Variants in ZFHX3 observed in about 807,000 individuals in gnomAD.
The protein encoded by ZFHX3 is zinc finger homeobox 3, also known as zinc finger homeobox protein 3.
A neutral mutation model predicts 279.1 loss-of-function variants in ZFHX3; 42 were observed. That is an observed-to-expected ratio of 0.15 (90% CI 0.12 to 0.19). The LOEUF (loss-of-function observed/expected upper bound fraction) is 0.19, where lower values mean the gene tolerates loss of function less well. ZFHX3 is among the 10% of genes least tolerant of loss of function. The pLI, the probability that ZFHX3 is intolerant of heterozygous loss-of-function variation, is 1.00. For synonymous variants in ZFHX3, 2,293 were observed against 1,957.8 expected (o/e 1.17, Z -4.52); for missense variants, 4,981 against 4,754.0 (o/e 1.05, Z -1.40).
chr16:73,674,215 T>TCTTCTATATATA (rs2052931519), intron 2 of ZFHX3, among the ~76,000 whole-genome samples: 1 of 151,800 alleles, frequency 6.6e-6, no homozygotes, highest in Non-Finnish European at 1.5e-5. Flanking sequence ...AAAATAGACG[T>TCTTCTATATATA]CACTATAAAA....
At chr16:73,370,442 G>A (rs1053531102) in intron 3 of ZFHX3, among the ~76,000 whole-genome samples, 4 of 152,198 alleles carry the variant, frequency 2.6e-5, no homozygotes, top group Non-Finnish European at 5.9e-5. Context: ...GGGCAGTGGG[G>A]ACAAGGCAAA....
intron 1 of ZFHX3, among the ~76,000 whole-genome samples, chr16:73,843,544 A>G (rs1367708229): frequency 1.3e-5 from 2 of 152,208 alleles, no homozygotes; most frequent in African/African-American, 2.4e-5. Context: ...ATGCAAACCA[A>G]CTTAACACAT....
intron 3 of ZFHX3, among the ~76,000 whole-genome samples, chr16:72,904,367 AAAATAAATAAATAAATAAAT>A (rs200166214): frequency 0.01 from 1,426 of 140,046 alleles, 41 homozygotes; most frequent in East Asian, 0.037. Flanking sequence ...ATTCTGTCTC[AAAATAAATAAATAAATAAAT>A]AAATAAATAA....
At chr16:73,625,675 A>T (rs1376720243) in intron 2 of ZFHX3, among the ~76,000 whole-genome samples, 3 of 152,158 alleles carry the variant, frequency 2.0e-5, no homozygotes, top group Non-Finnish European at 4.4e-5. Flanking sequence ...GACCAGCGGC[A>T]TTTGTGTCAC....
chr16:73,506,550 G>T (rs1280000174), intron 2 of ZFHX3, among the ~76,000 whole-genome samples: 1 of 152,200 alleles, frequency 6.6e-6, no homozygotes, highest in Non-Finnish European at 1.5e-5. Flanking sequence ...TACTCTGTAA[G>T]ACCAGAGCAG....
At chr16:73,078,865 C>G (rs542100830) in intron 8 of ZFHX3, among the ~76,000 whole-genome samples, 1 of 151,844 alleles carries the variant, frequency 6.6e-6, no homozygotes, top group Non-Finnish European at 1.5e-5. Flanking sequence ...AGGATGGTCT[C>G]GATCTCCTGA....
At chr16:73,394,346 G>A (rs577823959) in intron 3 of ZFHX3, among the ~76,000 whole-genome samples, 141 of 151,678 alleles carry the variant, frequency 9.3e-4, no homozygotes, top group Middle Eastern at 3.4e-3. Context: ...GTCCAGGCTG[G>A]AGTGCAGTGG....
At chr16:73,122,057 C>T (rs1235118079) in intron 7 of ZFHX3, among the ~76,000 whole-genome samples, 1 of 152,078 alleles carries the variant, frequency 6.6e-6, no homozygotes, top group Non-Finnish European at 1.5e-5. Flanking sequence ...TCTCTCTCCC[C>T]ACTAAGACTA....
At chr16:73,443,291 T>A (rs1363181749) in intron 3 of ZFHX3, among the ~76,000 whole-genome samples, 1 of 152,220 alleles carries the variant, frequency 6.6e-6, no homozygotes, top group Non-Finnish European at 1.5e-5. Flanking sequence ...AACAGCTTTG[T>A]GGATGGAAGT....
chr16:73,072,702 C>T (rs1428462884), intron 8 of ZFHX3, among the ~76,000 whole-genome samples: 1 of 152,114 alleles, frequency 6.6e-6, no homozygotes, highest in African/African-American at 2.4e-5. Context: ...GTAGCTGGGA[C>T]TACAGGCACA....
chr16:73,861,448 G>A (rs141866312), intron 1 of ZFHX3, among the ~76,000 whole-genome samples: 5 of 152,210 alleles, frequency 3.3e-5, no homozygotes, highest in East Asian at 1.9e-4. Context: ...GGTGATTTCC[G>A]TGTACAAATA....
intron 7 of ZFHX3, among the ~76,000 whole-genome samples, chr16:73,109,583 T>G (rs1014232482): frequency 6.6e-6 from 1 of 152,056 alleles, no homozygotes; most frequent in African/African-American, 2.4e-5. Flanking sequence ...AATTTTCCGG[T>G]GCAGTGCCTC....
chr16:73,713,441 C>T (rs1171169558), intron 1 of ZFHX3, among the ~76,000 whole-genome samples: 1 of 152,160 alleles, frequency 6.6e-6, no homozygotes, highest in African/African-American at 2.4e-5. Flanking sequence ...TTTTCCTCCT[C>T]CTCCTATTCT....
At chr16:73,483,491 T>C (rs1371322974) in intron 2 of ZFHX3, 1 of 421,742 alleles carries the variant, frequency 2.4e-6, no homozygotes, top group Non-Finnish European at 4.7e-6. Flanking sequence ...GGCAGTTCCG[T>C]CAGCCTCGAC....
chr16:73,451,939 A>C (rs766088318), intron 3 of ZFHX3, among the ~76,000 whole-genome samples: 1 of 152,158 alleles, frequency 6.6e-6, no homozygotes, highest in Non-Finnish European at 1.5e-5. Context: ...GCCATGGACA[A>C]ACAGACTTAT....
intron 1 of ZFHX3, among the ~76,000 whole-genome samples, chr16:73,882,827 A>G (rs906010731): frequency 2.6e-5 from 4 of 152,040 alleles, no homozygotes. Flanking sequence ...TATTCCATCC[A>G]CTTTCAAAGA....
chr16:73,032,343 A>C lies in ZFHX3; in HGVS notation c.-50+15409T>G, dbSNP rs557227206. Among the ~76,000 whole-genome samples the C allele has an allele frequency of 3.9e-5, 6 of 152,120 alleles. No homozygotes were observed. The South Asian group carries it at 1.2e-3, about 32-fold the overall frequency. On this transcript the variant is annotated intron_variant, in intron 1 of 9. Transcript: ENST00000268489. ...AGCAAAACAAAAAAACAAAAACAAAAACCTGGCTAAAGACCCTTTCCTAGT... is the reference window on the plus strand; with the variant it reads ...AGCAAAACAAAAAAACAAAAACAAACACCTGGCTAAAGACCCTTTCCTAGT...
At chr16:73,005,228 C>T (rs1963660457) in intron 1 of ZFHX3, among the ~76,000 whole-genome samples, 1 of 152,212 alleles carries the variant, frequency 6.6e-6, no homozygotes, top group South Asian at 2.1e-4. Flanking sequence ...GGTGCAGTGG[C>T]TCACGTCTTA....
intron 1 of ZFHX3, among the ~76,000 whole-genome samples, chr16:73,762,590 T>C (rs935935907): frequency 6.6e-6 from 1 of 152,204 alleles, no homozygotes; most frequent in Non-Finnish European, 1.5e-5. Context: ...TACCCATGAA[T>C]GACAGACTGG....
Sources: gnomAD v4.1 joint callset for allele counts (sites outside exome capture counted in the v4.1 genomes callset) on GRCh38, gnomAD v4.1.1 for gene constraint, MANE v1.5 for transcripts, NCBI Gene and HGNC (gene_info 2026-07-23, HGNC 2026-07-21) for gene names.